BLTP3B: variants seen among roughly 807,000 people sequenced by gnomAD.
The protein encoded by BLTP3B is bridge-like lipid transfer protein family member 3B.
the BLTP3B span, among the ~76,000 whole-genome samples, chr12:100,046,844 C>A: frequency 6.6e-6 from 1 of 151,988 alleles, no homozygotes; most frequent in Non-Finnish European, 1.5e-5. Flanking sequence ...CAAATAAGAA[C>A]GTAGAGACGT....
the BLTP3B span, among the ~76,000 whole-genome samples, chr12:100,092,535 T>C: frequency 2.6e-5 from 4 of 152,102 alleles, no homozygotes; most frequent in Admixed American, 1.3e-4. Flanking sequence ...AAAAAGTACA[T>C]AGGCCGGGGC....
the BLTP3B span, among the ~76,000 whole-genome samples, chr12:100,056,440 CATATT>C: frequency 2.6e-5 from 4 of 152,116 alleles, no homozygotes; most frequent in East Asian, 5.8e-4. Flanking sequence ...ATCAATAATA[CATATT>C]ATATTATTAC....
the BLTP3B span, among the ~76,000 whole-genome samples, chr12:100,119,192 C>T: frequency 2.0e-5 from 3 of 152,056 alleles, no homozygotes; most frequent in African/African-American, 7.2e-5. Flanking sequence ...CTACCATTAA[C>T]ATTAGCATAA....
the BLTP3B span, among the ~76,000 whole-genome samples, chr12:100,094,762 A>G: frequency 3.3e-5 from 5 of 152,190 alleles, no homozygotes; most frequent in Non-Finnish European, 1.5e-5. Flanking sequence ...CGGGGGGCTG[A>G]GGCACAAAAA....
At chr12:100,039,518 AC>A in the BLTP3B span, 6 of 1,349,412 alleles carry the variant, frequency 4.4e-6, no homozygotes, top group Non-Finnish European at 6.0e-6. Flanking sequence ...AAATAAGTAA[AC>A]AATGTTTTAA....
the BLTP3B span, among the ~76,000 whole-genome samples, chr12:100,132,096 C>T: frequency 2.0e-5 from 3 of 152,046 alleles, no homozygotes; most frequent in African/African-American, 7.2e-5. Context: ...CCAGCCACAC[C>T]CACTGTTAAA....
At chr12:100,085,817 A>G in the BLTP3B span, among the ~76,000 whole-genome samples, 115 of 152,226 alleles carry the variant, frequency 7.6e-4, no homozygotes, top group African/African-American at 2.6e-3. Flanking sequence ...TTAAGAGCCT[A>G]TGAAATCTGG....
chr12:100,070,316 C>T, the BLTP3B span: 5 of 966,296 alleles, frequency 5.2e-6, no homozygotes, highest in Non-Finnish European at 6.7e-6. Flanking sequence ...GACGGAGTTT[C>T]GCTCTTGTTG....
the BLTP3B span, among the ~76,000 whole-genome samples, chr12:100,118,735 T>G: frequency 1.8e-4 from 28 of 152,346 alleles, no homozygotes; most frequent in African/African-American, 6.7e-4. Flanking sequence ...AAAAGCTTAT[T>G]TTTAAAAAAT....
chr12:100,069,363 C>G, the BLTP3B span, among the ~76,000 whole-genome samples: 1 of 151,960 alleles, frequency 6.6e-6, no homozygotes, highest in Non-Finnish European at 1.5e-5. Flanking sequence ...AAACGTGGAA[C>G]CAACCCAAAT....
At chr12:100,040,708 A>AC in the BLTP3B span, among the ~76,000 whole-genome samples, 9 of 151,816 alleles carry the variant, frequency 5.9e-5, no homozygotes, top group East Asian at 1.9e-4. Context: ...AACAACAACA[A>AC]AAAAAAACTA....
the BLTP3B span, among the ~76,000 whole-genome samples, chr12:100,041,220 T>C: frequency 5.3e-5 from 8 of 152,160 alleles, no homozygotes; most frequent in Non-Finnish European, 1.2e-4. Flanking sequence ...ATCATCTCAA[T>C]AGATGCAGAA....
At chr12:100,070,785 A>G in the BLTP3B span, among the ~76,000 whole-genome samples, 100 of 152,160 alleles carry the variant, frequency 6.6e-4, no homozygotes, top group African/African-American at 2.4e-3. Context: ...TTTGAGGCCT[A>G]GAGCTCAAGA....
chr12:100,098,931 T>TAGATAGATAGATAGAC, the BLTP3B span, among the ~76,000 whole-genome samples: 1,595 of 151,590 alleles, frequency 0.011, 35 homozygotes, highest in African/African-American at 0.035. Flanking sequence ...GATAGATAGA[T>TAGATAGATAGATAGAC]AGACAGACAG....
the BLTP3B span, chr12:100,057,660 G>A: frequency 6.2e-7 from 1 of 1,612,834 alleles, no homozygotes; most frequent in Admixed American, 1.7e-5. Flanking sequence ...GGTATCCAAT[G>A]ACATTTGTGA....
At chr12:100,105,860 A>C in the BLTP3B span, among the ~76,000 whole-genome samples, 39 of 152,298 alleles carry the variant, frequency 2.6e-4, no homozygotes, top group African/African-American at 9.1e-4. Flanking sequence ...ACAAATCAGC[A>C]AGAAAAAAAA....
At chr12:100,096,821 C>CAAAAAT in the BLTP3B span, among the ~76,000 whole-genome samples, 5 of 151,804 alleles carry the variant, frequency 3.3e-5, no homozygotes, top group African/African-American at 9.7e-5. Flanking sequence ...ACCCCAACTC[C>CAAAAAT]AAAAATAAAA....
At chr12:100,130,982 GGAGA>G in the BLTP3B span, among the ~76,000 whole-genome samples, 3,661 of 61,666 alleles carry the variant, frequency 0.059, 80 homozygotes, top group East Asian at 0.28. Context: ...AGAGAGGGAG[GGAGA>G]GAGAGAGAGA....
At chr12:100,066,727 C>T in the BLTP3B span, among the ~76,000 whole-genome samples, 7,651 of 151,700 alleles carry the variant, frequency 0.05, 543 homozygotes, top group East Asian at 0.36. Context: ...TGGCGTGAAC[C>T]CAGGAGGCAG....
Sources: gnomAD v4.1 joint callset for allele counts (sites outside exome capture counted in the v4.1 genomes callset) on GRCh38, gnomAD v4.1.1 for gene constraint, MANE v1.5 for transcripts, NCBI Gene and HGNC (gene_info 2026-07-23, HGNC 2026-07-21) for gene names.